Variants in UGGT2 observed in about 807,000 individuals in gnomAD.
UGGT2 encodes UDP-glucose glycoprotein glucosyltransferase 2.
A neutral mutation model predicts 192.1 loss-of-function variants in UGGT2; 180 were observed. The observed-to-expected ratio is 0.94, with a 90% CI of 0.83 to 1.06. The LOEUF is 1.06. Among genes scored for constraint, UGGT2 ranks in the 50% least tolerant of loss-of-function variants. UGGT2 has a pLI of 0.00. For synonymous variants in UGGT2, 580 were observed against 591.0 expected (o/e 0.98, Z 0.27); for missense variants, 1,849 against 1,795.7 (o/e 1.03, Z -0.54).
intron 22 of UGGT2, among the ~76,000 whole-genome samples, chr13:95,896,953 A>G (rs2047964031): frequency 6.6e-6 from 1 of 152,130 alleles, no homozygotes; most frequent in South Asian, 2.1e-4. Context: ...TCAGATTTTC[A>G]TCCACATACT....
chr13:96,027,022 A>C (rs1174042218), intron 2 of UGGT2, among the ~76,000 whole-genome samples: 1 of 152,194 alleles, frequency 6.6e-6, no homozygotes, highest in Non-Finnish European at 1.5e-5. Flanking sequence ...CTTGGGAGAT[A>C]TGGTGAGTTT....
At chr13:95,823,441 C>T (rs1566547638) in intron 38 of UGGT2, among the ~76,000 whole-genome samples, 1 of 152,014 alleles carries the variant, frequency 6.6e-6, no homozygotes, top group African/African-American at 2.4e-5. Flanking sequence ...AATATGAGAG[C>T]TCCAGTGTTA....
chr13:95,834,911 C>A (rs1169661491), intron 37 of UGGT2, among the ~76,000 whole-genome samples: 2 of 152,104 alleles, frequency 1.3e-5, no homozygotes, highest in African/African-American at 2.4e-5. Flanking sequence ...AAACCATACA[C>A]ATAATTTGTG....
intron 5 of UGGT2, among the ~76,000 whole-genome samples, chr13:96,010,771 A>AT (rs2052136821): frequency 6.6e-6 from 1 of 152,220 alleles, no homozygotes; most frequent in Non-Finnish European, 1.5e-5. Flanking sequence ...AGACAAGCCG[A>AT]TTTTAAAGTT....
At position 95,877,868 on chromosome 13, in the gene UGGT2, G is replaced by C. The variant is rs978347284; in HGVS notation, c.3229-12C>G. ...ACAGTTTTCTCAGTCTGTGGAGGAA[G>C]TATGTCATTGTTTTTGGTGTTATGT... On this transcript the variant is annotated splice_polypyrimidine_tract_variant and intron_variant, in intron 27 of 38. Transcript: ENST00000376747. 2.5e-6 allele frequency: 4 copies of C among 1,602,692 alleles called. No individual in the cohort carries two copies. The highest frequency in any genetic ancestry group is 3.4e-6 in the Non-Finnish European group (4 of 1,174,842).
chr13:95,968,108 A>T (rs1054046752), intron 12 of UGGT2, among the ~76,000 whole-genome samples: 2 of 152,098 alleles, frequency 1.3e-5, no homozygotes, highest in African/African-American at 2.4e-5. Flanking sequence ...AATTATATTG[A>T]TCATGTTGTA....
intron 38 of UGGT2, among the ~76,000 whole-genome samples, chr13:95,815,746 A>T (rs1195220651): frequency 9.2e-5 from 14 of 152,352 alleles, no homozygotes. Flanking sequence ...CACTTTGCAA[A>T]AAAACTTATA....
intron 12 of UGGT2, among the ~76,000 whole-genome samples, chr13:95,963,626 A>G (rs1169169866): frequency 6.6e-6 from 1 of 152,228 alleles, no homozygotes; most frequent in Non-Finnish European, 1.5e-5. Context: ...ACATGATTGT[A>G]TATCTAGAAA....
At chr13:96,042,643 A>G (rs1014522563) in intron 1 of UGGT2, among the ~76,000 whole-genome samples, 11 of 152,096 alleles carry the variant, frequency 7.2e-5, no homozygotes, top group African/African-American at 2.4e-4. Context: ...GAGGGGAGAA[A>G]TCTTCAGTGA....
At chr13:95,906,114 T>A (rs2048282959) in intron 20 of UGGT2, among the ~76,000 whole-genome samples, 1 of 152,206 alleles carries the variant, frequency 6.6e-6, no homozygotes, top group South Asian at 2.1e-4. Context: ...TTTTATGCTT[T>A]AAGATTATTT....
chr13:95,837,380 G>C (rs1198386572), intron 36 of UGGT2, among the ~76,000 whole-genome samples, 178 bp from the exon 37 acceptor site: 1 of 152,150 alleles, frequency 6.6e-6, no homozygotes, highest in Non-Finnish European at 1.5e-5. Context: ...CTTGTGTCAT[G>C]AATGAATCCA....
intron 6 of UGGT2, among the ~76,000 whole-genome samples, chr13:95,996,587 A>G (rs1794107766): frequency 6.6e-6 from 1 of 152,142 alleles, no homozygotes; most frequent in Non-Finnish European, 1.5e-5. Context: ...ATACATATAT[A>G]TGCATGTGTA....
chr13:96,013,457 T>A lies in UGGT2; in HGVS notation c.510A>T (p.Gly170=). ...CTTTGTTTGTAGGAAATTTGTGATC[T>A]CCTTTAAATAGATAAGGTCTAGTCC... ...ASRTRPYLFK[G]DHKFPTNKEN... The change falls in exon 5 of 39, where the codon GGA becomes GGT. Residue 170 remains glycine (G), a synonymous_variant. Transcript: ENST00000376747. The A allele has an allele frequency of 2.5e-6, 4 of 1,586,586 alleles. No individual in the cohort carries two copies. The highest frequency in any genetic ancestry group is 2.4e-5 in the South Asian group (2 of 84,716).
At chr13:95,899,993 G>A (rs1276397019) in intron 22 of UGGT2, among the ~76,000 whole-genome samples, 2 of 152,044 alleles carry the variant, frequency 1.3e-5, no homozygotes, top group African/African-American at 4.8e-5. Context: ...CCACAGATAC[G>A]TGAAAAACAC....
At chr13:96,010,312 G>A (rs904164352) in intron 5 of UGGT2, among the ~76,000 whole-genome samples, 1 of 152,034 alleles carries the variant, frequency 6.6e-6, no homozygotes, top group African/African-American at 2.4e-5. Context: ...AGTGCATGCC[G>A]GGCTTAATTC....
intron 22 of UGGT2, 74 bp downstream of exon 22, chr13:95,900,733 T>C (rs1428964809): frequency 8.3e-6 from 12 of 1,449,374 alleles, no homozygotes; most frequent in African/African-American, 2.9e-5. Context: ...ATCAGGGGAA[T>C]TGTGACAGAA....
chr13:95,987,975 A>G (rs912395823), intron 8 of UGGT2, among the ~76,000 whole-genome samples: 1 of 152,122 alleles, frequency 6.6e-6, no homozygotes, highest in African/African-American at 2.4e-5. Flanking sequence ...TAAGCAAGAA[A>G]AGAGTAAGGA....
At chr13:96,022,220 C>T (rs913363115) in intron 4 of UGGT2, among the ~76,000 whole-genome samples, 1 of 151,788 alleles carries the variant, frequency 6.6e-6, no homozygotes, top group Non-Finnish European at 1.5e-5. Flanking sequence ...GGATTCTTAC[C>T]TTTTGATGAA....
chr13:96,044,528 C>T (rs2053253075), intron 1 of UGGT2, among the ~76,000 whole-genome samples: 1 of 151,810 alleles, frequency 6.6e-6, no homozygotes, highest in African/African-American at 2.4e-5. Context: ...GAAATTGAAA[C>T]AAACAAAAAA....
Sources: allele counts gnomAD v4.1 joint callset (sites outside exome capture counted in the v4.1 genomes callset), GRCh38; gene constraint gnomAD v4.1.1; transcripts MANE v1.5; gene names NCBI Gene and HGNC (gene_info 2026-07-23, HGNC 2026-07-21).